Variants in LRRC4C observed in about 807,000 individuals in gnomAD.
LRRC4C encodes leucine rich repeat containing 4C, also known as leucine-rich repeat-containing protein 4C.
Under a neutral mutation model 33.6 loss-of-function variants are expected in LRRC4C, and 5 were observed. The observed-to-expected ratio is 0.15, with a 90% CI of 0.08 to 0.31. The LOEUF is 0.31. Ranked by LOEUF, LRRC4C falls within the 10% of genes least tolerant of loss-of-function variation. The pLI, the probability that LRRC4C is intolerant of heterozygous loss-of-function variation, is 1.00. For synonymous variants in LRRC4C, 329 were observed against 302.0 expected, an observed-to-expected ratio of 1.09 and a Z score of -0.93; for missense variants, 560 against 796.7, an observed-to-expected ratio of 0.70 and a Z score of 3.58.
At chr11:41,386,299 GACTT>G (rs143573113) in intron 1 of LRRC4C, among the ~76,000 whole-genome samples, 3,569 of 151,676 alleles carry the variant, frequency 0.024, 135 homozygotes, top group African/African-American at 0.082. Flanking sequence ...GCTTTTTCAA[GACTT>G]ACTTACTTTT....
intron 1 of LRRC4C, among the ~76,000 whole-genome samples, chr11:41,172,405 T>C (rs1247764558): frequency 6.6e-6 from 1 of 152,150 alleles, no homozygotes; most frequent in Non-Finnish European, 1.5e-5. Flanking sequence ...CCAGACTCAC[T>C]GGTCTCCCAG....
chr11:40,789,093 G>GAA (rs397956716), intron 2 of LRRC4C, among the ~76,000 whole-genome samples: 7,122 of 63,140 alleles, frequency 0.11, 762 homozygotes, highest in African/African-American at 0.31. Flanking sequence ...TCCGTCTCGG[G>GAA]AAAAAAAAAA....
intron 4 of LRRC4C, among the ~76,000 whole-genome samples, chr11:40,253,953 C>T (rs116586297): frequency 7.2e-5 from 11 of 152,264 alleles, no homozygotes; most frequent in African/African-American, 2.2e-4. Flanking sequence ...AAAAATCATG[C>T]CCTTTCCTTT....
At chr11:40,860,653 A>T (rs554366807) in intron 2 of LRRC4C, among the ~76,000 whole-genome samples, 1 of 152,066 alleles carries the variant, frequency 6.6e-6, no homozygotes, top group Non-Finnish European at 1.5e-5. Flanking sequence ...AACACTAGTC[A>T]TATTGAATTA....
At chr11:40,346,466 G>C (rs34319617) in intron 3 of LRRC4C, among the ~76,000 whole-genome samples, 24,343 of 152,102 alleles carry the variant, frequency 0.16, 2,276 homozygotes, top group East Asian at 0.3. Context: ...ATTAAATAGT[G>C]CATGTTCTCA....
intron 1 of LRRC4C, among the ~76,000 whole-genome samples, chr11:41,121,322 ACTCT>A (rs1200364186): frequency 6.6e-6 from 1 of 151,826 alleles, no homozygotes; most frequent in African/African-American, 2.4e-5. Flanking sequence ...ATATTGTGAA[ACTCT>A]CTCACACTGA....
intron 3 of LRRC4C, among the ~76,000 whole-genome samples, chr11:40,461,813 T>C (rs1952411038): frequency 6.6e-6 from 1 of 151,372 alleles, no homozygotes; most frequent in Non-Finnish European, 1.5e-5. Context: ...AAGTAAATAA[T>C]GGATGGGAAA....
At chr11:40,852,000 T>G (rs11036098) in intron 2 of LRRC4C, among the ~76,000 whole-genome samples, 2 of 152,174 alleles carry the variant, frequency 1.3e-5, no homozygotes, top group South Asian at 4.2e-4. Flanking sequence ...TTTAAAAAAA[T>G]TTTTTAATAG....
At chr11:40,187,056 C>T (rs538622754) in intron 5 of LRRC4C, among the ~76,000 whole-genome samples, 2 of 152,240 alleles carry the variant, frequency 1.3e-5, no homozygotes, top group East Asian at 1.9e-4. Flanking sequence ...ACAAAGGAGC[C>T]GCGGCGACTG....
chr11:41,320,087 T>C (rs1389106369), intron 1 of LRRC4C, among the ~76,000 whole-genome samples: 1 of 152,210 alleles, frequency 6.6e-6, no homozygotes, highest in Non-Finnish European at 1.5e-5. Context: ...TCTGTCTTTT[T>C]ATTTATCATA....
At chr11:41,153,520 T>C (rs1212682446) in intron 1 of LRRC4C, among the ~76,000 whole-genome samples, 1 of 152,168 alleles carries the variant, frequency 6.6e-6, no homozygotes, top group Non-Finnish European at 1.5e-5. Flanking sequence ...ATATGAGGGT[T>C]TTGGAATAAA....
At chr11:40,369,333 GGTTGTT>G (rs1167876130) in intron 3 of LRRC4C, among the ~76,000 whole-genome samples, 3 of 151,980 alleles carry the variant, frequency 2.0e-5, no homozygotes, top group South Asian at 4.2e-4. Context: ...TGCAGTTTTT[GGTTGTT>G]GTTGTTGTTG....
chr11:40,185,109 C>G (rs1193331692), intron 5 of LRRC4C, among the ~76,000 whole-genome samples: 7 of 152,212 alleles, frequency 4.6e-5, no homozygotes, highest in Non-Finnish European at 8.8e-5. Context: ...AGTGTGAACA[C>G]TTTTAGGAGG....
intron 3 of LRRC4C, among the ~76,000 whole-genome samples, chr11:40,440,283 T>C (rs1951332637): frequency 6.7e-6 from 1 of 149,790 alleles, no homozygotes; most frequent in Non-Finnish European, 1.5e-5. Flanking sequence ...GACAAAATCT[T>C]TAGTTTGGTC....
intron 1 of LRRC4C, among the ~76,000 whole-genome samples, chr11:41,105,220 A>G (rs1941425414): frequency 6.6e-6 from 1 of 151,920 alleles, no homozygotes. Context: ...TTTTGACTTC[A>G]GTCTTGATGA....
At chr11:40,334,337 AAAGT>A (rs1334984764) in intron 3 of LRRC4C, among the ~76,000 whole-genome samples, 1 of 152,182 alleles carries the variant, frequency 6.6e-6, no homozygotes, top group Admixed American at 6.6e-5. Flanking sequence ...CAAAAAAAAA[AAAGT>A]AAGCCAATGG....
rs564087256 is a variant in LRRC4C at position 40,909,541 on chromosome 11, A to T, written c.-407+24094T>A. ...TATACATTTAGGGTGGTATATTCAC[A>T]GATAATTTCATACAGAGAACAACTT... On this transcript the variant is annotated intron_variant, in intron 2 of 6. Coordinates refer to ENST00000528697, the MANE Select transcript of LRRC4C (RefSeq NM_001258419.2). 4.6e-5 allele frequency among the ~76,000 whole-genome samples: 7 copies of T among 152,278 alleles called. No homozygotes were observed. In the South Asian group the frequency reaches 1.2e-3, roughly 27 times the overall value.
chr11:40,296,490 C>A (rs1288522604), intron 4 of LRRC4C, among the ~76,000 whole-genome samples: 1 of 152,180 alleles, frequency 6.6e-6, no homozygotes, highest in Non-Finnish European at 1.5e-5. Flanking sequence ...AATGCCAGTT[C>A]TTCCAGTTTT....
intron 4 of LRRC4C, among the ~76,000 whole-genome samples, chr11:40,294,736 A>G (rs1944422486): frequency 6.6e-6 from 1 of 152,114 alleles, no homozygotes; most frequent in Non-Finnish European, 1.5e-5. Flanking sequence ...CTGAGGCAGG[A>G]TAATTGCTTG....
Sources: gnomAD v4.1 joint callset for allele counts (sites outside exome capture counted in the v4.1 genomes callset) on GRCh38, gnomAD v4.1.1 for gene constraint, MANE v1.5 for transcripts, NCBI Gene and HGNC (gene_info 2026-07-23, HGNC 2026-07-21) for gene names.